The following SLC2A13 variants were observed in gnomAD, a reference collection of about 807,000 sequenced individuals.
The protein encoded by SLC2A13 is proton myo-inositol cotransporter.
A neutral mutation model predicts 64.4 loss-of-function variants in SLC2A13; 32 were observed. The ratio of observed to expected loss-of-function variants is 0.50; its 90% CI spans 0.37 to 0.67. The LOEUF (loss-of-function observed/expected upper bound fraction) is 0.67, where lower values mean the gene tolerates loss of function less well. SLC2A13 is among the 30% of genes least tolerant of loss of function. The pLI, the probability that SLC2A13 is intolerant of heterozygous loss-of-function variation, is 0.00. For missense variants in SLC2A13, 743 were observed against 829.2 expected (o/e 0.90, Z 1.28); for synonymous variants, 338 against 327.1 (o/e 1.03, Z -0.36).
chr12:39,986,514 T>A (rs571921390), intron 3 of SLC2A13, among the ~76,000 whole-genome samples: 2 of 152,076 alleles, frequency 1.3e-5, no homozygotes, highest in Non-Finnish European at 2.9e-5. Context: ...TACAACGAAA[T>A]GAATTACTGA....
At chr12:40,000,327 A>T (rs1947302200) in intron 3 of SLC2A13, among the ~76,000 whole-genome samples, 1 of 135,518 alleles carries the variant, frequency 7.4e-6, no homozygotes, top group South Asian at 2.3e-4. Context: ...ACAAAACCCA[A>T]AAACTTACAG....
At chr12:40,101,887 C>T (rs1939162481) in intron 1 of SLC2A13, among the ~76,000 whole-genome samples, 2 of 151,894 alleles carry the variant, frequency 1.3e-5, no homozygotes, top group African/African-American at 4.8e-5. Flanking sequence ...GTTTCCACAC[C>T]CAACAAAAGG....
rs1287371572 is a variant in SLC2A13 at position 39,896,414 on chromosome 12, A to ATATATG, written c.1035-24454_1035-24453insCATATA. 1.5e-4 allele frequency among the ~76,000 whole-genome samples: 18 copies of ATATATG among 118,420 alleles called. 2 individuals carry two copies. Among genetic ancestry groups the ATATATG allele is most frequent in the African/African-American group, 7.5e-4 (18 of 23,960 alleles). 77.7% of individuals were successfully genotyped at this position (118,420 alleles called of 152,430 possible). ...TGTGTATATATGTATACATATATGT[A>ATATATG]TGTATATGTGTATATATGTATACAT... On this transcript the variant is annotated intron_variant, in intron 4 of 9. Coordinates refer to ENST00000280871, the MANE Select transcript of SLC2A13 (RefSeq NM_052885.4).
At chr12:40,104,776 T>C (rs908497009) in intron 1 of SLC2A13, among the ~76,000 whole-genome samples, 20 of 152,168 alleles carry the variant, frequency 1.3e-4, no homozygotes, top group African/African-American at 4.6e-4. Flanking sequence ...TAACTCTAAA[T>C]ATTATCTCAC....
intron 6 of SLC2A13, among the ~76,000 whole-genome samples, chr12:39,858,418 A>G (rs1323819521): frequency 6.6e-6 from 1 of 152,152 alleles, no homozygotes; most frequent in Non-Finnish European, 1.5e-5. Flanking sequence ...AAAAAAATTG[A>G]AACAGATTCA....
intron 7 of SLC2A13, among the ~76,000 whole-genome samples, chr12:39,798,561 A>G (rs1358093485): frequency 2.0e-5 from 3 of 152,230 alleles, no homozygotes; most frequent in Admixed American, 1.3e-4. Flanking sequence ...GAGCGCTTCA[A>G]CTGTTTCTAA....
intron 3 of SLC2A13, among the ~76,000 whole-genome samples, chr12:39,978,477 G>A (rs1014667808): frequency 6.6e-6 from 1 of 152,178 alleles, no homozygotes; most frequent in African/African-American, 2.4e-5. Context: ...CACCGTGCGC[G>A]AGCCGAAGCA....
At chr12:39,838,352 G>T (rs1311676225) in intron 6 of SLC2A13, among the ~76,000 whole-genome samples, 2 of 102,028 alleles carry the variant, frequency 2.0e-5, no homozygotes, top group East Asian at 3.4e-4. Flanking sequence ...GGGGTGGGGG[G>T]AGGGGGGAGG....
At chr12:39,882,982 T>C (rs946279836) in intron 4 of SLC2A13, among the ~76,000 whole-genome samples, 3 of 152,326 alleles carry the variant, frequency 2.0e-5, no homozygotes, top group East Asian at 1.9e-4. Context: ...TTTATGAATA[T>C]TTTTTAGGCG....
intron 3 of SLC2A13, among the ~76,000 whole-genome samples, chr12:39,962,746 A>G (rs1946437096): frequency 6.6e-6 from 1 of 152,230 alleles, no homozygotes; most frequent in African/African-American, 2.4e-5. Context: ...TAAAGACTAT[A>G]CAACCATAAT....
At chr12:39,775,570 G>T (rs1456019884) in intron 7 of SLC2A13, among the ~76,000 whole-genome samples, 2 of 152,198 alleles carry the variant, frequency 1.3e-5, no homozygotes, top group African/African-American at 4.8e-5. Flanking sequence ...ATACTTTGAA[G>T]TTCTTTCTCT....
rs138306065 is a variant in SLC2A13 at position 39,759,974 on chromosome 12, G to C, written c.*52C>G. The C allele has an allele frequency of 6.7e-4, 958 of 1,435,378 alleles. 4 individuals are homozygous for C. The highest frequency in any genetic ancestry group is 1.8e-3 in the South Asian group (148 of 84,084). The allele number at this position is 1,435,378 out of a possible 1,614,324, so 88.9% of individuals were successfully genotyped here. The stretch of plus-strand genomic sequence containing the variant: ...CAGGGCAGTGAAGTCACCAATTGCT[G>C]TTCTTCTCCCCCCAGTTTGTTTAAA... On this transcript the variant is annotated 3_prime_UTR_variant, in exon 10 of 10. Coordinates refer to ENST00000280871, the MANE Select transcript of SLC2A13 (RefSeq NM_052885.4).
chr12:39,804,693 C>T (rs1323671850), intron 7 of SLC2A13, among the ~76,000 whole-genome samples: 2 of 152,244 alleles, frequency 1.3e-5, no homozygotes, highest in East Asian at 1.9e-4. Context: ...CTAAACAGAA[C>T]GTCTGTCCTC....
At chr12:39,875,321 C>T (rs1944154911) in intron 4 of SLC2A13, among the ~76,000 whole-genome samples, 1 of 152,180 alleles carries the variant, frequency 6.6e-6, no homozygotes, top group South Asian at 2.1e-4. Flanking sequence ...TCAAAGCCAA[C>T]AATGATTTGT....
intron 3 of SLC2A13, among the ~76,000 whole-genome samples, chr12:39,997,404 T>A (rs1335231036): frequency 6.6e-6 from 1 of 152,090 alleles, no homozygotes; most frequent in Non-Finnish European, 1.5e-5. Flanking sequence ...ATTAAGGACT[T>A]AAACCTAAGA....
At chr12:39,956,207 G>A (rs560800009) in intron 3 of SLC2A13, among the ~76,000 whole-genome samples, 1 of 152,224 alleles carries the variant, frequency 6.6e-6, no homozygotes, top group East Asian at 1.9e-4. Context: ...AGCCCTATAA[G>A]CTATTAAAAA....
intron 1 of SLC2A13, among the ~76,000 whole-genome samples, chr12:40,054,030 A>C (rs919883284): frequency 6.6e-6 from 1 of 152,204 alleles, no homozygotes; most frequent in Non-Finnish European, 1.5e-5. Flanking sequence ...CTACTGCTTA[A>C]CTTTAGAGTC....
intron 1 of SLC2A13, among the ~76,000 whole-genome samples, chr12:40,055,519 T>C (rs936270174): frequency 6.6e-6 from 1 of 152,248 alleles, no homozygotes; most frequent in South Asian, 2.1e-4. Flanking sequence ...AGATTTCACA[T>C]ATCTTCTGTA....
intron 7 of SLC2A13, among the ~76,000 whole-genome samples, chr12:39,774,795 A>G (rs916603500): frequency 6.6e-6 from 1 of 152,232 alleles, no homozygotes; most frequent in African/African-American, 2.4e-5. Context: ...TTATTTATCT[A>G]TAAATCATTG....
Sources: gnomAD v4.1 joint callset for allele counts (sites outside exome capture counted in the v4.1 genomes callset) on GRCh38, gnomAD v4.1.1 for gene constraint, MANE v1.5 for transcripts, NCBI Gene and HGNC (gene_info 2026-07-23, HGNC 2026-07-21) for gene names.